The following EYS variants were observed in gnomAD, a reference collection of about 807,000 sequenced individuals.
EYS encodes the protein EGF-like photoreceptor maintenance factor, also known as protein eyes shut homolog.
In EYS, 250 loss-of-function variants were observed where a neutral mutation model predicts 282.1. The observed-to-expected ratio is 0.89, with a 90% CI of 0.80 to 0.98. The LOEUF (loss-of-function observed/expected upper bound fraction) is 0.98. Ranked by LOEUF, EYS falls within the 50% of genes least tolerant of loss-of-function variation. The pLI is 0.00. For missense variants in EYS, 4,016 were observed against 3,709.0 expected, an observed-to-expected ratio of 1.08 and a Z score of -2.15; for synonymous variants, 1,355 against 1,282.9, an observed-to-expected ratio of 1.06 and a Z score of -1.20.
chr6:65,680,086 T>TCACACACACACACACA (rs10650454), intron 1 of EYS, among the ~76,000 whole-genome samples: 11 of 147,390 alleles, frequency 7.5e-5, no homozygotes, highest in African/African-American at 2.7e-4. Context: ...TCCTAAATTT[T>TCACACACACACACACA]CACACACACA....
chr6:64,192,336 A>C (rs1765140879), intron 31 of EYS, among the ~76,000 whole-genome samples: 1 of 152,158 alleles, frequency 6.6e-6, no homozygotes, highest in Admixed American at 6.5e-5. Flanking sequence ...TAGTTTAATT[A>C]GATCCCATTT....
At chr6:64,799,686 T>C (rs909892517) in intron 22 of EYS, among the ~76,000 whole-genome samples, 2 of 149,862 alleles carry the variant, frequency 1.3e-5, no homozygotes, top group African/African-American at 4.9e-5. Context: ...TAAGTACATA[T>C]ATAATTAATA....
At chr6:65,692,168 G>A (rs1158064049) in intron 1 of EYS, among the ~76,000 whole-genome samples, 1 of 150,386 alleles carries the variant, frequency 6.6e-6, no homozygotes, top group African/African-American at 2.4e-5. Flanking sequence ...GTCAGAGACA[G>A]AAAGTCAAAT....
chr6:64,912,281 A>G (rs1325452005), intron 16 of EYS, among the ~76,000 whole-genome samples: 1 of 152,122 alleles, frequency 6.6e-6, no homozygotes, highest in Non-Finnish European at 1.5e-5. Flanking sequence ...CCTCTTCCCA[A>G]TGGTTAATTC....
intron 12 of EYS, among the ~76,000 whole-genome samples, chr6:65,287,608 AC>A (rs1219010636): frequency 6.6e-6 from 1 of 151,320 alleles, no homozygotes; most frequent in Non-Finnish European, 1.5e-5. Context: ...TTTGGGAGAA[AC>A]CAATTTAGAA....
chr6:64,924,096 C>T (rs935582041), intron 15 of EYS, among the ~76,000 whole-genome samples: 99 of 152,316 alleles, frequency 6.5e-4, no homozygotes, highest in African/African-American at 2.2e-3. Flanking sequence ...GACCCCGCCC[C>T]TTCAGCAAAT....
intron 26 of EYS, among the ~76,000 whole-genome samples, chr6:64,486,027 A>C (rs1405371059): frequency 6.6e-6 from 1 of 151,526 alleles, no homozygotes; most frequent in Non-Finnish European, 1.5e-5. Context: ...GCTATTTAAA[A>C]AGTATTGTTT....
chr6:65,640,715 C>A (rs954725067), intron 1 of EYS, among the ~76,000 whole-genome samples: 2 of 151,962 alleles, frequency 1.3e-5, no homozygotes, highest in Non-Finnish European at 2.9e-5. Context: ...TTAATATTTT[C>A]TCTTGGGCCA....
intron 29 of EYS, among the ~76,000 whole-genome samples, chr6:64,340,267 A>C (rs1200622436): frequency 6.6e-6 from 1 of 151,828 alleles, no homozygotes; most frequent in Non-Finnish European, 1.5e-5. Flanking sequence ...TAGCCAAATC[A>C]ATTCTAAGCA....
chr6:65,413,864 A>T (rs534435711), intron 5 of EYS, among the ~76,000 whole-genome samples: 1 of 152,200 alleles, frequency 6.6e-6, no homozygotes, highest in African/African-American at 2.4e-5. Context: ...TTAAAAAAAA[A>T]AGGAATAATG....
chr6:65,500,011 G>T lies in EYS; in HGVS notation c.-332-4018C>A, dbSNP rs1268351316. ...GTGTCCAAAGAAATAAGAATAAAAA[G>T]AGTAAAAAATAAAAAATAAAATGAG... On this transcript the variant is annotated intron_variant, in intron 2 of 42. Transcript: ENST00000503581. Among the ~76,000 whole-genome samples, 2 of 151,778 alleles carry T rather than the reference G, an allele frequency of 1.3e-5. 1 individual carries two copies.
Position 63,885,838 on chromosome 6 carries a change from C to T in EYS, c.7056-21480G>A, listed in dbSNP as rs542227993. ...AGAAAATCTTTATATTGATCTGAGTCTCCCAACTGTTGTAGATGTAATCAT... is the reference window on the plus strand; with the variant it reads ...AGAAAATCTTTATATTGATCTGAGTTTCCCAACTGTTGTAGATGTAATCAT... On this transcript the variant is annotated intron_variant, in intron 35 of 42. Transcript: ENST00000503581. 5.3e-5 allele frequency among the ~76,000 whole-genome samples: 8 copies of T among 152,280 alleles called. 1 individual carries two copies. Among genetic ancestry groups the T allele is most frequent in the Admixed American group, 4.6e-4 (7 of 15,296 alleles).
intron 12 of EYS, among the ~76,000 whole-genome samples, chr6:65,232,783 T>C (rs1408797343): frequency 6.6e-6 from 1 of 152,140 alleles, no homozygotes; most frequent in Non-Finnish European, 1.5e-5. Context: ...AACTTCAACA[T>C]ATGAATTTGG....
intron 31 of EYS, among the ~76,000 whole-genome samples, chr6:64,195,553 C>G (rs1407772842): frequency 6.6e-6 from 1 of 152,162 alleles, no homozygotes; most frequent in African/African-American, 2.4e-5. Flanking sequence ...CGCCCCTCGA[C>G]CTCCCAAAGT....
chr6:64,888,223 T>C (rs900009138), intron 18 of EYS, among the ~76,000 whole-genome samples: 4 of 151,964 alleles, frequency 2.6e-5, no homozygotes, highest in Non-Finnish European at 4.4e-5. Flanking sequence ...CACAGTACGG[T>C]GACTGTAGTA....
chr6:65,496,623 A>C (rs1368985301), intron 2 of EYS, among the ~76,000 whole-genome samples: 1 of 152,120 alleles, frequency 6.6e-6, no homozygotes, highest in Non-Finnish European at 1.5e-5. Flanking sequence ...GGAGAAGTAC[A>C]CCTAATTAAC....
intron 22 of EYS, among the ~76,000 whole-genome samples, chr6:64,741,463 A>T (rs1416631692): frequency 6.6e-6 from 1 of 152,194 alleles, no homozygotes; most frequent in Non-Finnish European, 1.5e-5. Context: ...GGCTTCAACT[A>T]AAAGTCACTA....
intron 15 of EYS, among the ~76,000 whole-genome samples, chr6:64,936,681 T>A (rs774651739): frequency 1.5e-4 from 22 of 151,298 alleles, no homozygotes; most frequent in Admixed American, 5.3e-4. Context: ...TCTAATAACA[T>A]AAAAAGATTC....
chr6:65,213,392 G>C (rs1766223666), intron 12 of EYS, among the ~76,000 whole-genome samples: 1 of 152,052 alleles, frequency 6.6e-6, no homozygotes, highest in Non-Finnish European at 1.5e-5. Context: ...ATTATTCTTT[G>C]CTTAATTGTG....
Sources: gnomAD v4.1 joint callset for allele counts (sites outside exome capture counted in the v4.1 genomes callset) on GRCh38, gnomAD v4.1.1 for gene constraint, MANE v1.5 for transcripts, NCBI Gene and HGNC (gene_info 2026-07-23, HGNC 2026-07-21) for gene names.